Variants in GARIN5A observed in about 807,000 individuals in gnomAD.
GARIN5A encodes golgi associated RAB2 interactor 5A.
At chr19:50,467,873 G>A in the GARIN5A span, 11 of 1,590,778 alleles carry the variant, frequency 6.9e-6, no homozygotes, top group East Asian at 2.3e-5. Context: ...ACCCTGTCGG[G>A]TCCTCCAGCA....
the GARIN5A span, chr19:50,475,353 T>C: frequency 6.2e-7 from 1 of 1,605,026 alleles, no homozygotes; most frequent in African/African-American, 1.3e-5. Context: ...CCGTTCTCCT[T>C]GGCAGGGCCG....
the GARIN5A span, among the ~76,000 whole-genome samples, chr19:50,471,967 T>C: frequency 1.2e-3 from 189 of 151,474 alleles, 2 homozygotes; most frequent in Admixed American, 2.4e-3. Flanking sequence ...TGTATGTATA[T>C]ATACATGTAT....
the GARIN5A span, chr19:50,476,707 A>C: frequency 8.3e-7 from 1 of 1,210,948 alleles, no homozygotes; most frequent in Admixed American, 2.8e-5. Context: ...CGGATGTCGC[A>C]GGTCTTGGGT....
the GARIN5A span, chr19:50,467,506 A>G: frequency 1.7e-5 from 21 of 1,226,908 alleles, no homozygotes; most frequent in African/African-American, 2.7e-4. Flanking sequence ...GTCCTCAGAC[A>G]CCTCCCCTCT....
At chr19:50,467,631 C>G in the GARIN5A span, 3 of 1,561,878 alleles carry the variant, frequency 1.9e-6, no homozygotes, top group African/African-American at 4.1e-5. Context: ...CCTCTTACTC[C>G]TGCGTGAAGG....
chr19:50,467,925 G>A, the GARIN5A span: 38 of 1,046,428 alleles, frequency 3.6e-5, no homozygotes, highest in East Asian at 9.9e-4. Context: ...CCCTCCCTCT[G>A]CCCCACGAAT....
At chr19:50,476,288 G>A in the GARIN5A span, 1 of 1,603,948 alleles carries the variant, frequency 6.2e-7, no homozygotes, top group Non-Finnish European at 8.5e-7. Flanking sequence ...GTCATGATGC[G>A]GAGCGGGCTT....
chr19:50,472,187 CAT>C, the GARIN5A span, among the ~76,000 whole-genome samples: 36 of 119,140 alleles, frequency 3.0e-4, no homozygotes, highest in African/African-American at 1.1e-3. Context: ...TGTATGTATA[CAT>C]GTATGTGTGC....
the GARIN5A span, among the ~76,000 whole-genome samples, chr19:50,473,913 G>A: frequency 6.6e-6 from 1 of 151,974 alleles, no homozygotes; most frequent in Non-Finnish European, 1.5e-5. Context: ...CTTGAACCCA[G>A]GAGGCAGAGG....
chr19:50,476,121 C>G, the GARIN5A span: 3 of 1,612,810 alleles, frequency 1.9e-6, no homozygotes, highest in African/African-American at 4.0e-5. Flanking sequence ...CCTGGCTCCC[C>G]TCTCTCACCT....
At chr19:50,468,363 C>CAAAAAAAAAAAAAAAAAAA in the GARIN5A span, among the ~76,000 whole-genome samples, 1 of 77,068 alleles carries the variant, frequency 1.3e-5, no homozygotes, top group Non-Finnish European at 2.4e-5. Flanking sequence ...GACTGTGTCT[C>CAAAAAAAAAAAAAAAAAAA]AAAAAAAAAA....
the GARIN5A span, among the ~76,000 whole-genome samples, chr19:50,468,343 C>G: frequency 8.2e-6 from 1 of 121,742 alleles, no homozygotes; most frequent in Non-Finnish European, 1.6e-5. Flanking sequence ...GCCTGGGCGA[C>G]AGAGAGAGGG....
chr19:50,474,184 T>C, the GARIN5A span, among the ~76,000 whole-genome samples: 1 of 21,346 alleles, frequency 4.7e-5, no homozygotes, highest in Non-Finnish European at 9.3e-5. Flanking sequence ...TATTCTCTCT[T>C]TTTTTTTTTG....
the GARIN5A span, among the ~76,000 whole-genome samples, chr19:50,469,333 C>T: frequency 5.9e-5 from 9 of 152,314 alleles, no homozygotes; most frequent in East Asian, 1.5e-3. Context: ...AGGGATGTCT[C>T]CCCTGGCCTA....
At chr19:50,476,501 C>T in the GARIN5A span, 2 of 1,572,470 alleles carry the variant, frequency 1.3e-6, no homozygotes, top group Non-Finnish European at 1.7e-6. Flanking sequence ...TGCTCCGCGG[C>T]TCTTGGCTCA....
the GARIN5A span, chr19:50,467,591 C>T: frequency 6.5e-7 from 1 of 1,548,500 alleles, no homozygotes; most frequent in Non-Finnish European, 8.7e-7. Flanking sequence ...ACCTCATCAT[C>T]ATCACCCTCC....
At chr19:50,476,102 C>A in the GARIN5A span, 1 of 1,611,848 alleles carries the variant, frequency 6.2e-7, no homozygotes, top group Non-Finnish European at 8.5e-7. Context: ...CAGGTCCAAC[C>A]CCTCTAGGCC....
At chr19:50,476,835 G>T in the GARIN5A span, 2 of 516,678 alleles carry the variant, frequency 3.9e-6, no homozygotes, top group Non-Finnish European at 6.8e-6. Context: ...CCAGTGCACC[G>T]GGTTGCAAGG....
the GARIN5A span, chr19:50,475,411 CACCCCCATGGTG>C: frequency 6.2e-7 from 1 of 1,610,580 alleles, no homozygotes; most frequent in Non-Finnish European, 8.5e-7. Context: ...TGGAGGCTGC[CACCCCCATGGTG>C]ACCTCGTTGG....
Sources: allele counts gnomAD v4.1 joint callset (sites outside exome capture counted in the v4.1 genomes callset), GRCh38; gene constraint gnomAD v4.1.1; transcripts MANE v1.5; gene names NCBI Gene and HGNC (gene_info 2026-07-23, HGNC 2026-07-21).